The following MAML2 variants were observed in gnomAD, a reference collection of about 807,000 sequenced individuals.
The protein encoded by MAML2 is mastermind like transcriptional coactivator 2.
In MAML2, 22 loss-of-function variants were observed where a neutral mutation model predicts 96.1. The observed-to-expected ratio is 0.23, with a 90% confidence interval of 0.16 to 0.33. MAML2 has a LOEUF of 0.33. MAML2 is among the 10% of genes least tolerant of loss of function. The pLI, the probability that MAML2 is intolerant of heterozygous loss-of-function variation, is 1.00. For missense variants in MAML2, 1,367 were observed against 1,392.4 expected (o/e 0.98, Z 0.29); for synonymous variants, 561 against 521.3 (o/e 1.08, Z -1.04).
intron 2 of MAML2, among the ~76,000 whole-genome samples, chr11:96,090,679 T>G (rs1859689332): frequency 6.6e-6 from 1 of 152,246 alleles, no homozygotes; most frequent in Admixed American, 6.5e-5. Flanking sequence ...AAATCTATAA[T>G]TTTTTAAAAA....
intron 3 of MAML2, among the ~76,000 whole-genome samples, chr11:95,987,295 T>C (rs1357927504): frequency 6.6e-6 from 1 of 152,216 alleles, no homozygotes; most frequent in African/African-American, 2.4e-5. Context: ...AGTAACCCTG[T>C]CTGAGGTTGA....
intron 1 of MAML2, among the ~76,000 whole-genome samples, chr11:96,220,666 T>G (rs1256587878): frequency 6.6e-6 from 1 of 152,196 alleles, no homozygotes; most frequent in African/African-American, 2.4e-5. Context: ...GCTTGAGTTT[T>G]TAACATTTTA....
chr11:96,006,155 A>T (rs1858175228), intron 2 of MAML2, among the ~76,000 whole-genome samples: 1 of 152,200 alleles, frequency 6.6e-6, no homozygotes, highest in Admixed American at 6.5e-5. Flanking sequence ...GGATTAGCAA[A>T]GCAAGCCACT....
chr11:96,080,751 T>A (rs1169266866), intron 2 of MAML2, among the ~76,000 whole-genome samples: 1 of 152,232 alleles, frequency 6.6e-6, no homozygotes, highest in Non-Finnish European at 1.5e-5. Flanking sequence ...TTCTTCATGG[T>A]GATTTTGAAT....
chr11:96,058,894 C>T (rs1032806498), intron 2 of MAML2, among the ~76,000 whole-genome samples: 1 of 152,104 alleles, frequency 6.6e-6, no homozygotes, highest in Non-Finnish European at 1.5e-5. Flanking sequence ...CCAGCCTGGC[C>T]AACATGGTAA....
At chr11:96,001,245 A>G (rs1858073515) in intron 2 of MAML2, among the ~76,000 whole-genome samples, 1 of 152,194 alleles carries the variant, frequency 6.6e-6, no homozygotes, top group Admixed American at 6.5e-5. Context: ...GACCAGTTCC[A>G]TGAGTGAGAA....
intron 1 of MAML2, among the ~76,000 whole-genome samples, chr11:96,102,313 T>C (rs191814805): frequency 7.2e-5 from 11 of 152,120 alleles, no homozygotes; most frequent in Admixed American, 4.6e-4. Flanking sequence ...AAAACCACTG[T>C]TTTCAATTAA....
intron 1 of MAML2, among the ~76,000 whole-genome samples, chr11:96,241,136 G>A (rs1253397436): frequency 3.3e-5 from 5 of 152,178 alleles, no homozygotes; most frequent in Admixed American, 3.3e-4. Flanking sequence ...TTTTATTATA[G>A]TATATATTTA....
chr11:95,994,022 G>A (rs1375574684), intron 2 of MAML2, among the ~76,000 whole-genome samples: 2 of 152,202 alleles, frequency 1.3e-5, no homozygotes, highest in African/African-American at 2.4e-5. Context: ...AGGTCTGTCT[G>A]ACCCCACAAC....
At chr11:96,098,317 G>T (rs1331560724) in intron 1 of MAML2, among the ~76,000 whole-genome samples, 2 of 152,146 alleles carry the variant, frequency 1.3e-5, no homozygotes, top group Non-Finnish European at 2.9e-5. Context: ...ATCATCCCTG[G>T]CATGAGGGAA....
At chr11:96,185,170 C>T (rs546415334) in intron 1 of MAML2, among the ~76,000 whole-genome samples, 9 of 148,434 alleles carry the variant, frequency 6.1e-5, no homozygotes, top group African/African-American at 2.1e-4. Context: ...AGCTCCTTAT[C>T]GTAGTGACAA....
intron 1 of MAML2, among the ~76,000 whole-genome samples, chr11:96,327,195 T>C (rs1863797149): frequency 6.6e-6 from 1 of 152,030 alleles, no homozygotes. Flanking sequence ...AGCAAAATGC[T>C]AGGGAATCCA....
chr11:95,987,569 T>C (rs970457859), intron 3 of MAML2, among the ~76,000 whole-genome samples: 1 of 152,192 alleles, frequency 6.6e-6, no homozygotes. Context: ...GATACATGGG[T>C]AAATTAGCTG....
intron 2 of MAML2, among the ~76,000 whole-genome samples, chr11:96,089,057 G>GA (rs34116311): frequency 0.41 from 60,935 of 150,098 alleles, 12,739 homozygotes; most frequent in African/African-American, 0.47. Flanking sequence ...ATGACAAGCA[G>GA]AAAAAAAAAA....
intron 1 of MAML2, among the ~76,000 whole-genome samples, chr11:96,304,610 T>C (rs553100132): frequency 2.7e-4 from 41 of 152,222 alleles, no homozygotes; most frequent in Non-Finnish European, 5.4e-4. Flanking sequence ...TTACATTTCA[T>C]GGCATCTACT....
At chr11:95,993,765 C>A (rs1343855925) in intron 2 of MAML2, among the ~76,000 whole-genome samples, 1 of 152,150 alleles carries the variant, frequency 6.6e-6, no homozygotes, top group East Asian at 1.9e-4. Context: ...CTTTAGTAAT[C>A]TCTGAGGCTA....
At chr11:96,080,899 C>T (rs1859519946) in intron 2 of MAML2, among the ~76,000 whole-genome samples, 1 of 152,174 alleles carries the variant, frequency 6.6e-6, no homozygotes, top group Non-Finnish European at 1.5e-5. Flanking sequence ...GTAGACACTC[C>T]TCAGGTCTAA....
intron 1 of MAML2, among the ~76,000 whole-genome samples, chr11:96,323,273 A>G (rs1461137896): frequency 6.6e-6 from 1 of 152,226 alleles, no homozygotes; most frequent in Admixed American, 6.5e-5. Flanking sequence ...AGAAGGTTCC[A>G]GTGATCACGT....
At chr11:96,001,760 A>G (rs1858081815) in intron 2 of MAML2, among the ~76,000 whole-genome samples, 1 of 152,170 alleles carries the variant, frequency 6.6e-6, no homozygotes, top group African/African-American at 2.4e-5. Flanking sequence ...TAACTTTGGG[A>G]TCACGTCCTA....
Sources: gnomAD v4.1 joint callset for allele counts (sites outside exome capture counted in the v4.1 genomes callset) on GRCh38, gnomAD v4.1.1 for gene constraint, MANE v1.5 for transcripts, NCBI Gene and HGNC (gene_info 2026-07-23, HGNC 2026-07-21) for gene names.